The following NECTIN1 variants were observed in gnomAD, a reference collection of about 807,000 sequenced individuals.
NECTIN1 encodes nectin cell adhesion molecule 1.
NECTIN1 carries 23 observed loss-of-function variants against 48.0 expected under a neutral mutation model. The ratio of observed to expected loss-of-function variants is 0.48; its 90% confidence interval spans 0.34 to 0.68. The LOEUF (loss-of-function observed/expected upper bound fraction) is 0.68, where lower values mean the gene tolerates loss of function less well. Among genes scored for constraint, NECTIN1 ranks in the 30% least tolerant of loss-of-function variants. The pLI, the probability that NECTIN1 is intolerant of heterozygous loss-of-function variation, is 0.01. For synonymous variants in NECTIN1, 270 were observed against 288.9 expected (o/e 0.93, Z 0.66); for missense variants, 591 against 709.9 (o/e 0.83, Z 1.90).
At chr11:119,692,652 G>T (rs1294131948) in intron 1 of NECTIN1, among the ~76,000 whole-genome samples, 1 of 152,238 alleles carries the variant, frequency 6.6e-6, no homozygotes. Context: ...TCTGTGCCAG[G>T]CCTGGGGCTG....
In NECTIN1 at chr11:119,717,746, C is replaced by T. The variant is rs376031127; in HGVS notation, c.79+10729G>A. On this transcript the variant is annotated intron_variant, in intron 1 of 5. Transcript: ENST00000264025. Reference sequence around the variant, plus strand: ...GGAGAGGGACATAAAAGTGGCTAAGCTTGGGAGCCCGGCAGGCACCTGCAG... The same window carrying T: ...GGAGAGGGACATAAAAGTGGCTAAGTTTGGGAGCCCGGCAGGCACCTGCAG... 2.6e-5 allele frequency among the ~76,000 whole-genome samples: 4 copies of T among 152,306 alleles called. No individual in the cohort carries two copies. The East Asian group carries it at 7.7e-4, about 29-fold the overall frequency.
chr11:119,663,006 T>C lies in NECTIN1; in HGVS notation c.*1741A>G. 2.1e-6 allele frequency: 1 copy of C among 480,640 alleles called. No homozygotes were observed. The highest frequency in any genetic ancestry group is 2.6e-6 in the Non-Finnish European group (1 of 380,214). The allele number at this position is 480,640 out of a possible 1,614,324, so 29.8% of individuals were successfully genotyped here. A position where few individuals can be genotyped will look rare whatever the true frequency, so the allele number is the denominator to read the frequency against. Reference sequence around the variant, plus strand: ...GAAATGGAGCTGGCAGGGGGTTCAATAGCAGCACCAGGGAGGGGAGGGGAG... The same window carrying C: ...GAAATGGAGCTGGCAGGGGGTTCAACAGCAGCACCAGGGAGGGGAGGGGAG... On this transcript the variant is annotated 3_prime_UTR_variant, in exon 6 of 6. Transcript: ENST00000264025.
chr11:119,701,096 C>T lies in NECTIN1; in HGVS notation c.80-22331G>A, dbSNP rs80145630. ...AGCAGGGTGCTTGCTCAGCTAAGCA[C>T]TGATCCTGCTACTGCCAGCCATTCG... On this transcript the variant is annotated intron_variant, in intron 1 of 5. Coordinates refer to ENST00000264025, the MANE Select transcript of NECTIN1 (RefSeq NM_002855.5). Among the ~76,000 whole-genome samples, 333 of 152,292 alleles carry T rather than the reference C, an allele frequency of 2.2e-3. 3 individuals are homozygous for T. The East Asian group carries it at 0.055, about 25-fold the overall frequency.
chr11:119,666,977 T>C (rs1328871891), intron 5 of NECTIN1, among the ~76,000 whole-genome samples: 1 of 152,082 alleles, frequency 6.6e-6, no homozygotes, highest in Non-Finnish European at 1.5e-5. Flanking sequence ...CAGGGGCTCC[T>C]ATACACGTGG....
At position 119,662,519 on chromosome 11, in the gene NECTIN1, C is replaced by T; in HGVS notation, c.*2228G>A. On this transcript the variant is annotated 3_prime_UTR_variant, in exon 6 of 6. Transcript: ENST00000264025. The surrounding 1 kb of genome is among the most constrained non-coding windows in gnomAD (Gnocchi z 5.3). The stretch of plus-strand genomic sequence containing the variant: ...CTCAGTGCTTTGGCTGGGCTTGGGG[C>T]CTTCAAAGTCCAACACAGAATGGGG... 1.0e-6 allele frequency: 1 copy of T among 985,696 alleles called. No individual in the cohort carries two copies. The highest frequency in any genetic ancestry group is 1.2e-6 in the Non-Finnish European group (1 of 829,984). The allele number at this position is 985,696 out of a possible 1,614,324, so 61.1% of individuals were successfully genotyped here.
At chr11:119,694,036 G>A (rs574208870) in intron 1 of NECTIN1, among the ~76,000 whole-genome samples, 2 of 152,312 alleles carry the variant, frequency 1.3e-5, no homozygotes, top group South Asian at 2.1e-4. Context: ...AAGTCAAAGG[G>A]ACAGGGAACT....
chr11:119,687,267 C>G (rs1238374704), intron 1 of NECTIN1: 1 of 152,186 alleles, frequency 6.6e-6, no homozygotes, highest in Non-Finnish European at 1.5e-5. Flanking sequence ...CTCTTCCTTC[C>G]TCACGCCAGA....
At chr11:119,655,240 A>G (rs1864553724) in intron 5 of NECTIN1, among the ~76,000 whole-genome samples, 1 of 151,680 alleles carries the variant, frequency 6.6e-6, no homozygotes, top group African/African-American at 2.4e-5. Flanking sequence ...TAAAAGAGCA[A>G]TTTTAGGCTC....
At chr11:119,644,551 G>T (rs1864369785) in intron 5 of NECTIN1, among the ~76,000 whole-genome samples, 1 of 152,234 alleles carries the variant, frequency 6.6e-6, no homozygotes, top group Non-Finnish European at 1.5e-5. Flanking sequence ...ACACTTCTAT[G>T]TGCCAGGCAT....
intron 1 of NECTIN1, among the ~76,000 whole-genome samples, chr11:119,702,521 G>C (rs1361683061): frequency 6.6e-6 from 1 of 152,198 alleles, no homozygotes; most frequent in African/African-American, 2.4e-5. Flanking sequence ...TTCTGGTTGG[G>C]CCTAGCCTGG....
At chr11:119,670,644 CTTTTTTTTTTTT>C (rs56350355) in intron 5 of NECTIN1, among the ~76,000 whole-genome samples, 1 of 113,892 alleles carries the variant, frequency 8.8e-6, no homozygotes, top group Non-Finnish European at 1.7e-5. Flanking sequence ...TTCCTAAGTC[CTTTTTTTTTTTT>C]TTTTTTTTGA....
rs1164904546 is a variant in NECTIN1 at position 119,675,080 on chromosome 11, G to T, written c.1003+79C>A. On this transcript the variant is annotated intron_variant, in intron 5 of 5. Coordinates refer to ENST00000264025, the MANE Select transcript of NECTIN1 (RefSeq NM_002855.5). ...AAAAGGAGATAATCTTCCTGCAGTGGCATTGCTCAAAGGTGAGGGATGCAG... is the reference window on the plus strand; with the variant it reads ...AAAAGGAGATAATCTTCCTGCAGTGTCATTGCTCAAAGGTGAGGGATGCAG... 2.0e-6 allele frequency: 3 copies of T among 1,488,272 alleles called. No homozygotes were observed. The African/African-American group carries it at 4.1e-5, about 21-fold the overall frequency. 92.2% of individuals were successfully genotyped at this position (1,488,272 alleles called of 1,614,324 possible).
intron 1 of NECTIN1, chr11:119,712,969 T>C (rs1865679598): frequency 6.6e-6 from 1 of 152,206 alleles, no homozygotes; most frequent in South Asian, 2.1e-4. Flanking sequence ...TACCCACAGG[T>C]GCTCCATGAC....
intron 5 of NECTIN1, among the ~76,000 whole-genome samples, chr11:119,648,954 G>A (rs1591439269): frequency 6.6e-6 from 1 of 152,334 alleles, no homozygotes; most frequent in East Asian, 1.9e-4. Context: ...GGCATGGGTG[G>A]CAACAGCACT....
Position 119,709,761 on chromosome 11 carries a change from G to C in NECTIN1, c.79+18714C>G, listed in dbSNP as rs1380367961. On this transcript the variant is annotated intron_variant, in intron 1 of 5. Coordinates refer to ENST00000264025, the MANE Select transcript of NECTIN1 (RefSeq NM_002855.5). The surrounding 1 kb of genome is among the most constrained non-coding windows in gnomAD (Gnocchi z 4.1). The stretch of plus-strand genomic sequence containing the variant: ...CTCCGGGTTTGTGGAGAGAGGGCAG[G>C]ACGAGGCGGAGCGGGTTTGAGGGGG... 6.6e-6 allele frequency among the ~76,000 whole-genome samples: 1 copy of C among 152,128 alleles called. No individual in the cohort carries two copies. The highest frequency in any genetic ancestry group is 2.4e-5 in the African/African-American group (1 of 41,410).
chr11:119,677,000 C>A (rs1036523400), intron 4 of NECTIN1, 102 bp downstream of exon 4: 4 of 1,016,578 alleles, frequency 3.9e-6, no homozygotes, highest in South Asian at 1.3e-5. Flanking sequence ...ACCCTAATTT[C>A]TTCCCTGCCT....
chr11:119,718,119 A>ATGG (rs757472007), intron 1 of NECTIN1, among the ~76,000 whole-genome samples: 1 of 152,206 alleles, frequency 6.6e-6, no homozygotes, highest in Non-Finnish European at 1.5e-5. Flanking sequence ...CTGAGCCTGC[A>ATGG]TGGTGACCTG....
chr11:119,721,148 C>G (rs1404392529), intron 1 of NECTIN1, among the ~76,000 whole-genome samples: 3 of 152,186 alleles, frequency 2.0e-5, no homozygotes, highest in Admixed American at 6.5e-5. Flanking sequence ...GTCCCCTGTC[C>G]CCAAGGGCCT....
chr11:119,640,107 C>T (rs1864302695), intron 5 of NECTIN1: 1 of 1,347,890 alleles, frequency 7.4e-7, no homozygotes, highest in Non-Finnish European at 1.0e-6. Flanking sequence ...TGAGGCAGTA[C>T]TCTGCCTTTG....
Sources: gnomAD v4.1 joint callset for allele counts (sites outside exome capture counted in the v4.1 genomes callset) on GRCh38, gnomAD v4.1.1 for gene constraint, Gnocchi (gnomAD v3.1) non-coding constraint, MANE v1.5 for transcripts, NCBI Gene and HGNC (gene_info 2026-07-23, HGNC 2026-07-21) for gene names.